The following FGF13 variants were observed in gnomAD, a reference collection of about 807,000 sequenced individuals.
The protein encoded by FGF13 is fibroblast growth factor homologous factor 2.
FGF13 carries 2 observed loss-of-function variants against 19.5 expected under a neutral mutation model. That is an observed-to-expected ratio of 0.10 (90% CI 0.04 to 0.32). The LOEUF (loss-of-function observed/expected upper bound fraction) is 0.32. Ranked by LOEUF, FGF13 falls within the 10% of genes least tolerant of loss-of-function variation. The probability of loss-of-function intolerance (pLI) is 1.00; values close to 1 mark genes in which losing one functional copy is unlikely to be tolerated. For synonymous variants in FGF13, 72 were observed against 76.9 expected (o/e 0.94, Z 0.33); for missense variants, 113 against 192.7 (o/e 0.59, Z 2.45).
intron 3 of FGF13, among the ~76,000 whole-genome samples, chrX:138,779,768 A>C: frequency 9.3e-6 from 1 of 107,158 alleles, no homozygotes; most frequent in East Asian, 2.9e-4. Context: ...GAACTTCCCC[A>C]ATCTAGCAAG....
At chrX:139,003,967 G>A (rs936030440) in intron 1 of FGF13, among the ~76,000 whole-genome samples, 5 of 112,677 alleles carry the variant, frequency 4.4e-5, no homozygotes, top group East Asian at 2.8e-4. Flanking sequence ...GCTTCACCGA[G>A]TGGATCCTGC....
At chrX:138,663,030 C>A (rs747441450) in intron 3 of FGF13, among the ~76,000 whole-genome samples, 8 of 111,447 alleles carry the variant, frequency 7.2e-5, no homozygotes, top group Non-Finnish European at 1.3e-4. Flanking sequence ...CCTCCACCCT[C>A]AAAGTCTAGA....
intron 3 of FGF13, among the ~76,000 whole-genome samples, chrX:138,764,232 A>G (rs2090488556): frequency 8.9e-6 from 1 of 112,104 alleles, no homozygotes; most frequent in African/African-American, 3.2e-5. Context: ...ATAAACCTCA[A>G]CACGAGGGGC....
chrX:139,073,227 G>A (rs1229641658), intron 1 of FGF13, among the ~76,000 whole-genome samples: 3 of 104,721 alleles, frequency 2.9e-5, no homozygotes, highest in Non-Finnish European at 3.9e-5. Context: ...CAAAACTCAC[G>A]AACACTTGGC....
chrX:139,175,248 T>C (rs2084170659), intron 1 of FGF13, among the ~76,000 whole-genome samples: 1 of 112,297 alleles, frequency 8.9e-6, no homozygotes, highest in East Asian at 2.8e-4. Flanking sequence ...ATTGATTTTG[T>C]ATCCTGAGAC....
At chrX:138,942,124 T>C (rs933585104) in intron 1 of FGF13, among the ~76,000 whole-genome samples, 1 of 112,137 alleles carries the variant, frequency 8.9e-6, no homozygotes, top group Non-Finnish European at 1.9e-5. Context: ...GAGATGGGTT[T>C]TCCATGGATT....
chrX:138,771,486 T>C (rs1372749974), intron 3 of FGF13, among the ~76,000 whole-genome samples: 2 of 111,900 alleles, frequency 1.8e-5, no homozygotes, highest in African/African-American at 3.2e-5. Flanking sequence ...AATTGTTTTG[T>C]TGTTGTTTCT....
chrX:138,947,372 A>T (rs760799217), intron 1 of FGF13, among the ~76,000 whole-genome samples: 15 of 112,193 alleles, frequency 1.3e-4, no homozygotes, highest in African/African-American at 4.8e-4. Flanking sequence ...TTTATATTCA[A>T]TTCTTAACTC....
At chrX:139,167,382 C>G (rs2084095389) in intron 1 of FGF13, among the ~76,000 whole-genome samples, 2 of 111,793 alleles carry the variant, frequency 1.8e-5, no homozygotes, top group Admixed American at 9.5e-5. Context: ...AAGCAAAAGT[C>G]AAGTCAGCAA....
At chrX:139,021,023 A>G (rs890570938) in intron 1 of FGF13, among the ~76,000 whole-genome samples, 3 of 111,467 alleles carry the variant, frequency 2.7e-5, no homozygotes, top group Non-Finnish European at 5.7e-5. Flanking sequence ...GATGAAATAT[A>G]TTGTAAAATA....
chrX:138,659,552 T>C lies in FGF13; in HGVS notation c.403-23897A>G, dbSNP rs149247110. Among the ~76,000 whole-genome samples the C allele has an allele frequency of 6.2e-3, 689 of 111,480 alleles. 7 individuals are homozygous for C. The highest frequency in any genetic ancestry group is 0.021 in the African/African-American group (641 of 30,685). ...ATACCATTTGACCCACCAATCCCAT[T>C]ACTGGGTATATAACCAAAGGATTAT... On this transcript the variant is annotated intron_variant, in intron 3 of 4. Transcript: ENST00000315930.
At chrX:139,077,890 G>A (rs985285442) in intron 1 of FGF13, among the ~76,000 whole-genome samples, 1 of 111,754 alleles carries the variant, frequency 8.9e-6, no homozygotes, top group Non-Finnish European at 1.9e-5. Context: ...AAAGTGATGA[G>A]GCTAGGAGAA....
At chrX:139,007,131 C>T (rs1441305619) in intron 1 of FGF13, among the ~76,000 whole-genome samples, 3 of 110,856 alleles carry the variant, frequency 2.7e-5, no homozygotes, top group Non-Finnish European at 5.7e-5. Context: ...TACACATAGA[C>T]TGAAAATGAA....
intron 1 of FGF13, among the ~76,000 whole-genome samples, chrX:139,031,809 T>G (rs1302551414): frequency 9.0e-6 from 1 of 110,786 alleles, no homozygotes; most frequent in Non-Finnish European, 1.9e-5. Context: ...GTGCATAGTT[T>G]GACTTCAGTG....
chrX:138,954,204 T>C (rs778688696), intron 1 of FGF13, among the ~76,000 whole-genome samples: 3 of 111,058 alleles, frequency 2.7e-5, no homozygotes, highest in Non-Finnish European at 5.7e-5. Context: ...ACTTAATTTA[T>C]TCCATGAATA....
At chrX:138,823,051 G>A (rs112914896) in intron 3 of FGF13, among the ~76,000 whole-genome samples, 7,434 of 111,472 alleles carry the variant, frequency 0.067, 629 homozygotes, top group African/African-American at 0.23. Context: ...GGGGAAAGGC[G>A]GGGAAGACTG....
chrX:138,779,511 A>T (rs1458366142), intron 3 of FGF13, among the ~76,000 whole-genome samples: 1 of 109,799 alleles, frequency 9.1e-6, no homozygotes, highest in African/African-American at 3.3e-5. Context: ...GAACTACGTG[A>T]AGAATGCAGA....
At chrX:138,888,124 T>C (rs2091459878) in intron 1 of FGF13, among the ~76,000 whole-genome samples, 1 of 112,618 alleles carries the variant, frequency 8.9e-6, no homozygotes, top group African/African-American at 3.2e-5. Flanking sequence ...CTCTATTTTT[T>C]GTGCCTTGGC....
intron 1 of FGF13, among the ~76,000 whole-genome samples, chrX:138,929,248 T>C (rs970037868): frequency 9.2e-5 from 10 of 108,406 alleles, no homozygotes; most frequent in African/African-American, 3.4e-4. Context: ...TGTGTGTGTG[T>C]GTGTGTGTGT....
Sources: gnomAD v4.1 joint callset for allele counts (sites outside exome capture counted in the v4.1 genomes callset) on GRCh38, gnomAD v4.1.1 for gene constraint, MANE v1.5 for transcripts, NCBI Gene and HGNC (gene_info 2026-07-23, HGNC 2026-07-21) for gene names.